The following MREG variants were observed in gnomAD, a reference collection of about 807,000 sequenced individuals.
MREG encodes melanoregulin, also known as dilute suppressor protein homolog.
Under a neutral mutation model 28.5 loss-of-function variants are expected in MREG, and 31 were observed. That is an observed-to-expected ratio of 1.09 (90% CI 0.82 to 1.47). The LOEUF (loss-of-function observed/expected upper bound fraction) is 1.47, where lower values mean the gene tolerates loss of function less well. MREG is among the 40% of genes most tolerant of loss of function. The pLI, the probability that MREG is intolerant of heterozygous loss-of-function variation, is 0.00. For synonymous variants in MREG, 106 were observed against 95.2 expected, an observed-to-expected ratio of 1.11 and a Z score of -0.66; for missense variants, 256 against 257.4, an observed-to-expected ratio of 0.99 and a Z score of 0.04.
intron 2 of MREG, among the ~76,000 whole-genome samples, chr2:215,955,232 TTAGTA>T (rs1692591127): frequency 6.6e-6 from 1 of 152,240 alleles, no homozygotes; most frequent in African/African-American, 2.4e-5. Context: ...TTTTTACCAT[TTAGTA>T]TAGACAGAAA....
chr2:216,015,178 T>C (rs985850866), upstream of MREG, among the ~76,000 whole-genome samples: 1 of 151,960 alleles, frequency 6.6e-6, no homozygotes, highest in Non-Finnish European at 1.5e-5. Context: ...CGTGCGTGTG[T>C]GTTCGTGTAT....
intron 1 of MREG, among the ~76,000 whole-genome samples, chr2:216,002,988 G>A (rs11684818): frequency 0.09 from 13,189 of 146,626 alleles, 921 homozygotes; most frequent in African/African-American, 0.2. Context: ...CTCTCTTTCT[G>A]TCTCTCCTTC....
At chr2:216,010,794 C>T (rs1694283621) in intron 1 of MREG, among the ~76,000 whole-genome samples, 1 of 151,708 alleles carries the variant, frequency 6.6e-6, no homozygotes, top group Non-Finnish European at 1.5e-5. Context: ...CACTATTTTA[C>T]AGACAAATGA....
chr2:215,974,059 G>T (rs1232383869), intron 2 of MREG, among the ~76,000 whole-genome samples: 1 of 152,294 alleles, frequency 6.6e-6, no homozygotes, highest in African/African-American at 2.4e-5. Flanking sequence ...AAAAGAGCTT[G>T]GGTGTGACTT....
Position 216,013,284 on chromosome 2 carries a change from C to CGG in MREG, c.43_44insCC (p.Gly15AlafsTer32), listed in dbSNP as rs1694363518. On this transcript the variant is annotated frameshift_variant, in exon 1 of 5. Transcript: ENST00000263268. LOFTEE classifies it high-confidence loss of function. ...GGCGCGCTCCTCCAAGCACTCGCAC[C>CGG]CGCAGCAGCAGCACACGGTTCTCAG... The CGG allele has an allele frequency of 7.7e-6, 12 of 1,549,678 alleles. No individual in the cohort carries two copies. The East Asian group carries it at 2.7e-4, about 35-fold the overall frequency.
rs190324029 is a variant in MREG, at chr2:215,978,307, C to T, written c.255+17999G>A. Among the ~76,000 whole-genome samples, 4 of 152,286 alleles carry T rather than the reference C, an allele frequency of 2.6e-5. No homozygotes were observed. In the South Asian group the frequency reaches 6.2e-4, roughly 24 times the overall value. On this transcript the variant is annotated intron_variant, in intron 2 of 4. Coordinates refer to ENST00000263268, the MANE Select transcript of MREG (RefSeq NM_018000.3). Reference sequence around the variant, plus strand: ...GAAGAAATGAATAAATTCCTGGACACATACACCCTCCCAAGACTAAACCAG... The same window carrying T: ...GAAGAAATGAATAAATTCCTGGACATATACACCCTCCCAAGACTAAACCAG...
chr2:215,939,670 C>A (rs536415800), downstream of MREG: 1 of 152,214 alleles, frequency 6.6e-6, no homozygotes, highest in East Asian at 1.9e-4. Flanking sequence ...GTGATGGAAA[C>A]CAGACAGAAA....
intron 1 of MREG, among the ~76,000 whole-genome samples, chr2:216,030,402 T>C (rs1694661843): frequency 6.6e-6 from 1 of 152,196 alleles, no homozygotes; most frequent in Non-Finnish European, 1.5e-5. Flanking sequence ...GCCAGTTTCC[T>C]CAACTGTAAA....
intron 2 of MREG, among the ~76,000 whole-genome samples, chr2:215,981,523 G>A (rs909950036): frequency 2.0e-5 from 3 of 152,194 alleles, no homozygotes; most frequent in African/African-American, 2.4e-5. Context: ...TGGGCACAGA[G>A]TTTTAGTTTG....
At chr2:216,027,346 G>A (rs1694611796) in intron 1 of MREG, among the ~76,000 whole-genome samples, 1 of 152,202 alleles carries the variant, frequency 6.6e-6, no homozygotes, top group African/African-American at 2.4e-5. Context: ...ACCCAGTAGA[G>A]TTCGAAGCTC....
At chr2:215,978,747 A>T (rs1205840216) in intron 2 of MREG, among the ~76,000 whole-genome samples, 1 of 152,252 alleles carries the variant, frequency 6.6e-6, no homozygotes, top group African/African-American at 2.4e-5. Flanking sequence ...ATCAATAAAC[A>T]TAATCTATCA....
In MREG at chr2:216,019,663, C is replaced by T. The variant is rs567751357; in HGVS notation, c.-68+13126G>A. 4.0e-4 allele frequency among the ~76,000 whole-genome samples: 61 copies of T among 152,126 alleles called. 2 individuals carry two copies. The South Asian group carries it at 0.012, about 29-fold the overall frequency. On this transcript the variant is annotated intron_variant, in intron 1 of 3. Transcript: ENST00000420348. ...GGGACTATAGGCGCCCGCCACCATG[C>T]CCGGCTAATTGTTTTTGTATTTTTA...
rs143618309 is a variant in MREG, at chr2:215,999,020, G to A, written c.96-2555C>T. ...CTAACCAGACCTGAGGACTGAACAG[G>A]CTTCCACCAGGAAGAGAAACAAGGG... On this transcript the variant is annotated intron_variant, in intron 1 of 4. Coordinates refer to ENST00000263268, the MANE Select transcript of MREG (RefSeq NM_018000.3). Among the ~76,000 whole-genome samples the A allele has an allele frequency of 4.0e-3, 606 of 152,308 alleles. 1 individual carries two copies. Among genetic ancestry groups the A allele is most frequent in the Middle Eastern group, 0.02 (6 of 294 alleles).
chr2:216,007,172 A>G (rs1053636072), intron 1 of MREG, among the ~76,000 whole-genome samples: 3 of 152,168 alleles, frequency 2.0e-5, no homozygotes, highest in African/African-American at 7.2e-5. Flanking sequence ...AATCTTCATT[A>G]TTTGGAGATT....
intron 1 of MREG, among the ~76,000 whole-genome samples, chr2:216,007,225 C>A (rs1694177327): frequency 6.6e-6 from 1 of 152,024 alleles, no homozygotes; most frequent in Non-Finnish European, 1.5e-5. Flanking sequence ...TTACCTGTAA[C>A]CCCAAAATCA....
At chr2:216,004,228 G>A (rs922031783) in intron 1 of MREG, among the ~76,000 whole-genome samples, 1 of 152,082 alleles carries the variant, frequency 6.6e-6, no homozygotes, top group Admixed American at 6.5e-5. Flanking sequence ...CCTCAACAAG[G>A]CCTGCCCTGA....
chr2:215,960,371 G>A (rs1222780223), intron 2 of MREG, among the ~76,000 whole-genome samples: 5 of 152,182 alleles, frequency 3.3e-5, no homozygotes, highest in Non-Finnish European at 7.4e-5. Flanking sequence ...TACACAGCAG[G>A]TCCTCCAGTG....
chr2:216,023,470 CCT>C (rs1694554244), intron 1 of MREG, among the ~76,000 whole-genome samples: 1 of 152,130 alleles, frequency 6.6e-6, no homozygotes, highest in Non-Finnish European at 1.5e-5. Flanking sequence ...ATAAGTAAAT[CCT>C]CTCTTTTCTT....
At chr2:215,939,749 AT>A (rs1692174105), downstream of MREG, 3 of 152,358 alleles carry the variant, frequency 2.0e-5, no homozygotes, top group South Asian at 6.2e-4. Context: ...GATAATTGAA[AT>A]GATTAAGCAA....
Sources: allele counts gnomAD v4.1 joint callset (sites outside exome capture counted in the v4.1 genomes callset), GRCh38; gene constraint gnomAD v4.1.1; transcripts MANE v1.5; gene names NCBI Gene and HGNC (gene_info 2026-07-23, HGNC 2026-07-21).